Variants in CDC42BPA observed in about 807,000 individuals in gnomAD.
The protein encoded by CDC42BPA is CDC42 binding protein kinase alpha.
CDC42BPA carries 80 observed loss-of-function variants against 223.5 expected under a neutral mutation model. The ratio of observed to expected loss-of-function variants is 0.36; its 90% CI spans 0.30 to 0.43. CDC42BPA has a LOEUF of 0.43. CDC42BPA is among the 20% of genes least tolerant of loss of function. The probability of loss-of-function intolerance (pLI) is 1.00; values close to 1 mark genes in which losing one functional copy is unlikely to be tolerated. For synonymous variants in CDC42BPA, 694 were observed against 718.6 expected, an observed-to-expected ratio of 0.97 and a Z score of 0.55; for missense variants, 1,743 against 2,099.9, an observed-to-expected ratio of 0.83 and a Z score of 3.32.
rs1408555501 is a variant in CDC42BPA, at chr1:226,993,160, C to T, written c.*1108G>A. On this transcript the variant is annotated 3_prime_UTR_variant, in exon 37 of 37. Transcript: ENST00000366766. ...CCCTGGGACAGACACCTCGCTGTGA[C>T]TTAGGGAGGGACAGGATTAGCCCAG... 1 of 152,228 alleles carries T rather than the reference C, an allele frequency of 6.6e-6. No individual in the cohort carries two copies. The highest frequency in any genetic ancestry group is 1.5e-5 in the Non-Finnish European group (1 of 68,044). The allele number at this position is 152,228 out of a possible 1,614,324, so 9.4% of individuals were successfully genotyped here.
At chr1:227,104,500 T>C (rs1685565760) in intron 14 of CDC42BPA, among the ~76,000 whole-genome samples, 1 of 152,336 alleles carries the variant, frequency 6.6e-6, no homozygotes, top group African/African-American at 2.4e-5. Context: ...ATTAAAATTA[T>C]GTTTGTGACA....
chr1:227,286,527 A>C (rs543728414), intron 1 of CDC42BPA, among the ~76,000 whole-genome samples: 61 of 152,300 alleles, frequency 4.0e-4, no homozygotes, highest in African/African-American at 1.4e-3. Context: ...AGTAAGTTCC[A>C]AACTTGCCCT....
Position 227,101,265 on chromosome 1 carries a change from G to A in CDC42BPA, c.2002-26C>T, listed in dbSNP as rs781221407. ...CTATAGAAATAATAACAAAAGATTA[G>A]TGCATCTACAAGAATAATAAAATAT... On this transcript the variant is annotated intron_variant, in intron 14 of 36. Coordinates refer to ENST00000366766, the MANE Select transcript of CDC42BPA (RefSeq NM_001394014.1). 6 of 1,361,942 alleles carry A rather than the reference G, an allele frequency of 4.4e-6. No individual in the cohort carries two copies. In the Admixed American group the frequency reaches 9.2e-5, roughly 21 times the overall value. The allele number at this position is 1,361,942 out of a possible 1,614,324, so 84.4% of individuals were successfully genotyped here.
chr1:227,139,862 A>G (rs899234593), intron 9 of CDC42BPA, 120 bp from the exon 10 acceptor site: 2 of 480,230 alleles, frequency 4.2e-6, no homozygotes, highest in Non-Finnish European at 6.8e-6. Context: ...ACATTTTTAA[A>G]TTGCTCATTT....
At chr1:227,165,231 A>G (rs1265749438) in intron 5 of CDC42BPA, among the ~76,000 whole-genome samples, 1 of 152,228 alleles carries the variant, frequency 6.6e-6, no homozygotes, top group African/African-American at 2.4e-5. Flanking sequence ...GTAGAAACTC[A>G]CAAGTGAATG....
intron 3 of CDC42BPA, among the ~76,000 whole-genome samples, chr1:227,207,415 G>A (rs1672974580): frequency 1.4e-5 from 2 of 138,342 alleles, no homozygotes; most frequent in South Asian, 2.3e-4. Context: ...TGCACATTGT[G>A]CAGGTTAGTT....
intron 21 of CDC42BPA, among the ~76,000 whole-genome samples, chr1:227,059,596 T>C (rs1009682532): frequency 1.3e-5 from 2 of 152,232 alleles, no homozygotes; most frequent in African/African-American, 2.4e-5. Context: ...AAACAGTTGT[T>C]TGGACTACGT....
At position 226,994,520 on chromosome 1, in the gene CDC42BPA, C is replaced by T. The variant is rs1415399870; in HGVS notation, c.5134-121G>A. The T allele has an allele frequency of 5.8e-6, 7 of 1,201,990 alleles. No homozygotes were observed. Among genetic ancestry groups the T allele is most frequent in the Non-Finnish European group, 6.8e-6 (6 of 886,694 alleles). The allele number at this position is 1,201,990 out of a possible 1,614,324, so 74.5% of individuals were successfully genotyped here. ...CAAATAACCCCATGGGGCGGCCTCA[C>T]TGTCGGTATAAAGCCCCTTCTATGA... On this transcript the variant is annotated intron_variant, in intron 36 of 36. Coordinates refer to ENST00000366766, the MANE Select transcript of CDC42BPA (RefSeq NM_001394014.1). The surrounding 1 kb of genome is among the most constrained non-coding windows in gnomAD (Gnocchi z 4.0).
At chr1:227,107,120 G>A (rs1686069348) in intron 14 of CDC42BPA, among the ~76,000 whole-genome samples, 1 of 152,106 alleles carries the variant, frequency 6.6e-6, no homozygotes, top group Non-Finnish European at 1.5e-5. Flanking sequence ...CTGAATTGAA[G>A]CTGTACATAA....
chr1:227,074,044 T>A, intron 18 of CDC42BPA, 32 bp from the exon 19 acceptor site: 11 of 1,597,756 alleles, frequency 6.9e-6, no homozygotes, highest in Non-Finnish European at 9.4e-6. Context: ...TTTAGTTCCA[T>A]CCTATTTTTA....
intron 3 of CDC42BPA, among the ~76,000 whole-genome samples, chr1:227,211,491 A>G (rs1673885395): frequency 6.6e-6 from 1 of 152,272 alleles, no homozygotes; most frequent in East Asian, 1.9e-4. Context: ...AAAGTCACAG[A>G]CTCAATCTTG....
intron 15 of CDC42BPA, among the ~76,000 whole-genome samples, chr1:227,094,208 G>C (rs1408754994): frequency 6.6e-6 from 1 of 152,124 alleles, no homozygotes; most frequent in Non-Finnish European, 1.5e-5. Flanking sequence ...TTTATCTGAG[G>C]AATGTGAGAC....
At chr1:227,315,441 G>T (rs1027604665) in intron 1 of CDC42BPA, among the ~76,000 whole-genome samples, 3 of 151,694 alleles carry the variant, frequency 2.0e-5, no homozygotes, top group Non-Finnish European at 2.9e-5. Context: ...TTTACTACTG[G>T]TACATAGAGT....
In CDC42BPA at chr1:227,069,785, G is replaced by T; in HGVS notation, c.2896C>A (p.Gln966Lys). 6.2e-7 allele frequency: 1 copy of T among 1,605,918 alleles called. No homozygotes were observed. Among genetic ancestry groups the T allele is most frequent in the South Asian group, 1.1e-5 (1 of 90,722 alleles). Residue 966 changes from glutamine to lysine, a missense_variant, in exon 21 of 37, where the codon CAA (glutamine) becomes AAA (lysine). This residue lies in a region of CDC42BPA where 678 missense variants were observed against 777.5 expected (regional missense o/e 0.87). Transcript: ENST00000366766. ...ACATGTTTAATACTTACTTCAAATT[G>T]ATCCAGAGCATCGGTAGGCGTATTC... Reference protein sequence around the residue: ...FLNTPTDALDQFETDPVENTY... With the variant: ...FLNTPTDALDKFETDPVENTY...
chr1:227,011,468 A>G (rs1230312141), intron 34 of CDC42BPA, among the ~76,000 whole-genome samples: 1 of 152,200 alleles, frequency 6.6e-6, no homozygotes, highest in African/African-American at 2.4e-5. Flanking sequence ...CAGCTTCTAA[A>G]TAGACGTGTT....
intron 21 of CDC42BPA, among the ~76,000 whole-genome samples, chr1:227,066,618 A>G (rs1677142101): frequency 3.3e-5 from 5 of 152,116 alleles, no homozygotes; most frequent in Admixed American, 2.6e-4. Context: ...GAGAAACACA[A>G]AGTTTGTGCC....
chr1:227,018,781 T>G (rs1666794655), intron 32 of CDC42BPA, among the ~76,000 whole-genome samples: 1 of 152,230 alleles, frequency 6.6e-6, no homozygotes, highest in African/African-American at 2.4e-5. Context: ...TACATTATGT[T>G]TACATTATAC....
rs756130281 is a variant in CDC42BPA at position 227,199,608 on chromosome 1, G to A, written c.399C>T (p.Asp133=). 1.1e-5 allele frequency: 17 copies of A among 1,608,610 alleles called. No homozygotes were observed. Among genetic ancestry groups the A allele is most frequent in the Non-Finnish European group, 1.4e-5 (17 of 1,176,488 alleles). Reference sequence around the variant, plus strand: ...AGTGCAAGGTTGTAATCCATTTATTGTCTCCATTCACTAATACATCCCTTT... The same window carrying A: ...AGTGCAAGGTTGTAATCCATTTATTATCTCCATTCACTAATACATCCCTTT... ...REERDVLVNG[D]NKWITTLHYA... Residue 133 remains aspartate (D), a synonymous_variant, in exon 4 of 37, where the codon GAC becomes GAT. Coordinates refer to ENST00000366766, the MANE Select transcript of CDC42BPA (RefSeq NM_001394014.1).
At chr1:227,179,964 T>G (rs1264196627) in intron 5 of CDC42BPA, among the ~76,000 whole-genome samples, 1 of 152,140 alleles carries the variant, frequency 6.6e-6, no homozygotes, top group African/African-American at 2.4e-5. Flanking sequence ...TCCCAGTACT[T>G]TGGGAGGCCA....
Sources: allele counts gnomAD v4.1 joint callset (sites outside exome capture counted in the v4.1 genomes callset), GRCh38; gene constraint gnomAD v4.1.1; regional missense constraint gnomAD v4.1.1; non-coding constraint Gnocchi (gnomAD v3.1); transcripts MANE v1.5; gene names NCBI Gene and HGNC (gene_info 2026-07-23, HGNC 2026-07-21).